Variants in DSCAM observed in about 807,000 individuals in gnomAD.
DSCAM encodes DS cell adhesion molecule.
A neutral mutation model predicts 217.7 loss-of-function variants in DSCAM; 47 were observed. The ratio of observed to expected loss-of-function variants is 0.22; its 90% CI spans 0.17 to 0.28. The LOEUF (loss-of-function observed/expected upper bound fraction) is 0.28, where lower values mean the gene tolerates loss of function less well. DSCAM is among the 10% of genes least tolerant of loss of function. DSCAM has a pLI of 1.00. For synonymous variants in DSCAM, 1,056 were observed against 1,015.3 expected (o/e 1.04, Z -0.76); for missense variants, 2,080 against 2,618.3 (o/e 0.79, Z 4.49).
intron 1 of DSCAM, among the ~76,000 whole-genome samples, chr21:40,821,288 C>T (rs1246378394): frequency 6.6e-6 from 1 of 151,824 alleles, no homozygotes; most frequent in African/African-American, 2.4e-5. Flanking sequence ...TCTGAGAGTC[C>T]TTAAAAGCTT....
chr21:40,273,462 T>G (rs907234271), intron 11 of DSCAM, among the ~76,000 whole-genome samples: 1 of 152,216 alleles, frequency 6.6e-6, no homozygotes, highest in Admixed American at 6.5e-5. Context: ...ATCTCCTCCA[T>G]GTACTGTAGA....
At chr21:40,360,661 T>C (rs944825912) in intron 4 of DSCAM, among the ~76,000 whole-genome samples, 3 of 152,190 alleles carry the variant, frequency 2.0e-5, no homozygotes, top group Non-Finnish European at 4.4e-5. Context: ...TTTTTATGGC[T>C]TTCCAGTATA....
chr21:40,450,071 CATAA>C (rs780943570), intron 3 of DSCAM, among the ~76,000 whole-genome samples: 1 of 152,092 alleles, frequency 6.6e-6, no homozygotes, highest in Non-Finnish European at 1.5e-5. Context: ...TACACATCAA[CATAA>C]ATGTCAATAT....
At chr21:40,827,902 A>G (rs1423835205) in intron 1 of DSCAM, among the ~76,000 whole-genome samples, 1 of 152,256 alleles carries the variant, frequency 6.6e-6, no homozygotes, top group Non-Finnish European at 1.5e-5. Context: ...ATCTTTCAGC[A>G]CAGTTAGTTT....
At chr21:40,432,730 G>C (rs1254924077) in intron 3 of DSCAM, among the ~76,000 whole-genome samples, 1 of 152,132 alleles carries the variant, frequency 6.6e-6, no homozygotes, top group African/African-American at 2.4e-5. Context: ...AGTAGTCAGT[G>C]CCCTTCATTT....
chr21:40,443,745 G>A (rs759859202), intron 3 of DSCAM, among the ~76,000 whole-genome samples: 1 of 152,148 alleles, frequency 6.6e-6, no homozygotes, highest in Admixed American at 6.5e-5. Flanking sequence ...GATGTAAGAT[G>A]GGTCCTATTT....
At chr21:40,417,482 A>G (rs2075383066) in intron 3 of DSCAM, among the ~76,000 whole-genome samples, 1 of 152,240 alleles carries the variant, frequency 6.6e-6, no homozygotes, top group Non-Finnish European at 1.5e-5. Context: ...ATACATTAGA[A>G]TCAATTTCAG....
chr21:40,542,160 G>T (rs1473530981), intron 3 of DSCAM, among the ~76,000 whole-genome samples: 1 of 151,928 alleles, frequency 6.6e-6, no homozygotes, highest in Non-Finnish European at 1.5e-5. Context: ...TTCAGAAGAA[G>T]ATTATTCAAA....
intron 1 of DSCAM, among the ~76,000 whole-genome samples, chr21:40,780,549 TGTTG>T (rs2091535034): frequency 6.6e-6 from 1 of 151,612 alleles, no homozygotes; most frequent in Non-Finnish European, 1.5e-5. Flanking sequence ...AAAATTCATG[TGTTG>T]AATTTCTAAT....
chr21:40,439,826 A>G (rs2075615031), intron 3 of DSCAM, among the ~76,000 whole-genome samples: 1 of 152,136 alleles, frequency 6.6e-6, no homozygotes, highest in Admixed American at 6.5e-5. Context: ...AGACTTATTC[A>G]CTATCACAAG....
At chr21:40,076,762 G>A (rs923664509) in intron 26 of DSCAM, among the ~76,000 whole-genome samples, 1 of 152,210 alleles carries the variant, frequency 6.6e-6, no homozygotes, top group Non-Finnish European at 1.5e-5. Flanking sequence ...TCATCAGTGT[G>A]CACATTTAAG....
At chr21:40,198,875 G>A (rs968447645) in intron 11 of DSCAM, among the ~76,000 whole-genome samples, 6 of 152,172 alleles carry the variant, frequency 3.9e-5, no homozygotes, top group East Asian at 1.9e-4. Flanking sequence ...TCAAGATGGC[G>A]GCTGCAGATA....
chr21:40,228,583 T>C (rs382995), intron 11 of DSCAM, among the ~76,000 whole-genome samples: 77,193 of 151,436 alleles, frequency 0.51, 20,837 homozygotes, highest in African/African-American at 0.7. Context: ...CCACATCCTA[T>C]TGATGTATCA....
In DSCAM at chr21:40,213,716, G is replaced by T. The variant is rs911059886; in HGVS notation, c.2357-24478C>A. Among the ~76,000 whole-genome samples, 3 of 152,164 alleles carry T rather than the reference G, an allele frequency of 2.0e-5. No individual in the cohort carries two copies. In the South Asian group the frequency reaches 6.2e-4, roughly 32 times the overall value. ...TGTTAAGGATGCCAGGGATGGAGGGGTTCCTTCTCCATGAAAATAAGTGGA... is the reference window on the plus strand; with the variant it reads ...TGTTAAGGATGCCAGGGATGGAGGGTTTCCTTCTCCATGAAAATAAGTGGA... On this transcript the variant is annotated intron_variant, in intron 11 of 32. Transcript: ENST00000400454.
At chr21:40,162,609 T>C (rs1287052971) in intron 16 of DSCAM, among the ~76,000 whole-genome samples, 2 of 152,202 alleles carry the variant, frequency 1.3e-5, no homozygotes, top group Non-Finnish European at 2.9e-5. Flanking sequence ...AATTATTGGG[T>C]ATAGTGGAGA....
chr21:40,748,880 A>G (rs974734869), intron 1 of DSCAM, among the ~76,000 whole-genome samples: 1 of 152,178 alleles, frequency 6.6e-6, no homozygotes, highest in Non-Finnish European at 1.5e-5. Flanking sequence ...GCGTAAAAAC[A>G]GATACATTGA....
rs573004877 is a variant in DSCAM, at chr21:40,183,387, T to C, written c.2779+3744A>G. 2.6e-4 allele frequency among the ~76,000 whole-genome samples: 40 copies of C among 152,288 alleles called. No homozygotes were observed. The South Asian group carries it at 6.6e-3, about 25-fold the overall frequency. ...TGCCACCTATGGGAGAAGAAGAATG[T>C]TCCAGATAAGGAAGGGACAGCTTCA... On this transcript the variant is annotated intron_variant, in intron 14 of 32. Transcript: ENST00000400454.
At chr21:40,799,871 C>G (rs753706089) in intron 1 of DSCAM, among the ~76,000 whole-genome samples, 1 of 152,164 alleles carries the variant, frequency 6.6e-6, no homozygotes, top group South Asian at 2.1e-4. Flanking sequence ...TATAAGGTAG[C>G]ATTTACAGGT....
intron 1 of DSCAM, among the ~76,000 whole-genome samples, chr21:40,738,942 C>A (rs890700427): frequency 6.6e-6 from 1 of 152,204 alleles, no homozygotes; most frequent in African/African-American, 2.4e-5. Context: ...TGTGTCTGGG[C>A]AGCTGCTTCC....
Sources: gnomAD v4.1 joint callset for allele counts (sites outside exome capture counted in the v4.1 genomes callset) on GRCh38, gnomAD v4.1.1 for gene constraint, MANE v1.5 for transcripts, NCBI Gene and HGNC (gene_info 2026-07-23, HGNC 2026-07-21) for gene names.